Variants in HEG1 observed in about 807,000 individuals in gnomAD.
HEG1 encodes protein HEG homolog 1.
HEG1 carries 56 observed loss-of-function variants against 125.6 expected under a neutral mutation model. That is an observed-to-expected ratio of 0.45 (90% CI 0.36 to 0.56). The LOEUF is 0.56. HEG1 is among the 20% of genes least tolerant of loss of function. The probability of loss-of-function intolerance (pLI) is 0.00; values close to 1 mark genes in which losing one functional copy is unlikely to be tolerated. For missense variants in HEG1, 1,523 were observed against 1,670.0 expected, an observed-to-expected ratio of 0.91 and a Z score of 1.53; for synonymous variants, 644 against 668.5, an observed-to-expected ratio of 0.96 and a Z score of 0.57.
At position 125,012,897 on chromosome 3, in the gene HEG1, T is replaced by C. The variant is rs375132767; in HGVS notation, c.2682A>G (p.Ser894=). ...TTTCTGTGCTGATGCCACCTTCTGT[T>C]GAGATTTGAGGAACTAGTATTTCAG... ...THPEILVPQI[S]TEGGISTERN... The change falls in exon 6 of 17, where the codon TCA becomes TCG. Residue 894 remains serine, a synonymous_variant. Coordinates refer to ENST00000311127, the MANE Select transcript of HEG1 (RefSeq NM_020733.2). 8.7e-6 allele frequency: 14 copies of C among 1,613,896 alleles called. No individual in the cohort carries two copies. The African/African-American group carries it at 1.2e-4, about 14-fold the overall frequency.
chr3:125,016,545 G>T (rs1466246986), intron 5 of HEG1, among the ~76,000 whole-genome samples: 1 of 152,170 alleles, frequency 6.6e-6, no homozygotes, highest in African/African-American at 2.4e-5. Flanking sequence ...AGTAGTGAGG[G>T]TGAAAAATGA....
Position 124,973,916 on chromosome 3 carries a change from C to A in HEG1, c.3822-11G>T. ...TCATTTTTATTCTTTCTGTGGGATA[C>A]AAAAATATTTGTAAAGCTCAATTCC... On this transcript the variant is annotated splice_polypyrimidine_tract_variant and intron_variant, in intron 15 of 16. Coordinates refer to ENST00000311127, the MANE Select transcript of HEG1 (RefSeq NM_020733.2). 1 of 1,591,516 alleles carries A rather than the reference C, an allele frequency of 6.3e-7. No homozygotes were observed. The highest frequency in any genetic ancestry group is 8.6e-7 in the Non-Finnish European group (1 of 1,163,016).
intron 1 of HEG1, among the ~76,000 whole-genome samples, chr3:125,045,119 T>C (rs373901738): frequency 2.0e-5 from 3 of 152,340 alleles, no homozygotes; most frequent in East Asian, 3.9e-4. Context: ...GAGGAAGAGA[T>C]GATGTGTTTG....
In HEG1 at chr3:125,001,999, C is replaced by T. The variant is rs754502701; in HGVS notation, c.3370G>A (p.Val1124Met). The change falls in exon 11 of 17, where the codon GTG (valine) becomes ATG (methionine). Residue 1124 changes from valine to methionine, a missense_variant. Coordinates refer to ENST00000311127, the MANE Select transcript of HEG1 (RefSeq NM_020733.2). The stretch of plus-strand genomic sequence containing the variant: ...AAGGTTGTTTGCAGTGAGATCACCA[C>T]CGCGTTGGACTCCCTATAGGCAAAG... ...TVHASRESNA[V>M]VISLQTTFSL... The T allele has an allele frequency of 1.4e-5, 22 of 1,613,854 alleles. No individual in the cohort carries two copies. Among genetic ancestry groups the T allele is most frequent in the Middle Eastern group, 1.6e-4 (1 of 6,084 alleles).
chr3:124,994,038 G>A (rs1481941840), intron 12 of HEG1, among the ~76,000 whole-genome samples: 3 of 152,230 alleles, frequency 2.0e-5, no homozygotes, highest in South Asian at 2.1e-4. Flanking sequence ...CAGTCCCCAC[G>A]TTTTTGGCAC....
At chr3:125,044,564 T>A (rs952147448) in intron 1 of HEG1, among the ~76,000 whole-genome samples, 4 of 152,154 alleles carry the variant, frequency 2.6e-5, no homozygotes, top group African/African-American at 9.7e-5. Flanking sequence ...CCCGTTATTA[T>A]CCCTACTTTT....
At chr3:125,006,001 C>T (rs1272663537) in intron 8 of HEG1, among the ~76,000 whole-genome samples, 1 of 152,182 alleles carries the variant, frequency 6.6e-6, no homozygotes, top group Non-Finnish European at 1.5e-5. Context: ...AGAAAGCTCA[C>T]CCAGGCTCCC....
At chr3:124,983,945 G>A (rs1222170533) in intron 14 of HEG1, among the ~76,000 whole-genome samples, 1 of 152,286 alleles carries the variant, frequency 6.6e-6, no homozygotes, top group South Asian at 2.1e-4. Context: ...AGTCAAGACC[G>A]AGTAAAATGA....
intron 14 of HEG1, among the ~76,000 whole-genome samples, chr3:124,987,952 C>CATATATATATATAT (rs1553776022): frequency 1.8e-5 from 1 of 54,666 alleles, no homozygotes; most frequent in Non-Finnish European, 4.6e-5. Flanking sequence ...CACACACACA[C>CATATATATATATAT]ATATATATAT....
At chr3:125,039,829 C>G (rs1359944039) in intron 1 of HEG1, among the ~76,000 whole-genome samples, 1 of 88,454 alleles carries the variant, frequency 1.1e-5, no homozygotes, top group East Asian at 3.0e-4. Context: ...GCCAAAAGAA[C>G]AGAGCCAAAA....
intron 12 of HEG1, among the ~76,000 whole-genome samples, chr3:124,993,050 T>C (rs1188492203): frequency 1.3e-5 from 2 of 152,190 alleles, no homozygotes; most frequent in African/African-American, 2.4e-5. Flanking sequence ...CTTGGCCCCA[T>C]TGTTTTAAAA....
At chr3:124,991,125 C>T (rs922798889) in intron 12 of HEG1, 139 bp from the exon 13 acceptor site, 1 of 646,612 alleles carries the variant, frequency 1.5e-6, no homozygotes, top group African/African-American at 1.9e-5. Context: ...ATGATCCTCA[C>T]TTAAATACTG....
intron 5 of HEG1, chr3:125,014,766 G>C: frequency 7.8e-7 from 1 of 1,289,148 alleles, no homozygotes; most frequent in Non-Finnish European, 1.0e-6. Context: ...CATGTCGTCC[G>C]TCACGTTTAC....
intron 14 of HEG1, among the ~76,000 whole-genome samples, chr3:124,982,802 A>AC (rs902203858): frequency 4.5e-4 from 69 of 152,294 alleles, no homozygotes; most frequent in African/African-American, 1.7e-3. Flanking sequence ...CATCCCCTGG[A>AC]CACAGCTGGC....
intron 6 of HEG1, among the ~76,000 whole-genome samples, chr3:125,011,369 A>G (rs1050167056): frequency 6.6e-6 from 1 of 152,222 alleles, no homozygotes; most frequent in Non-Finnish European, 1.5e-5. Context: ...TATATAGCCA[A>G]ACACTAACCC....
chr3:125,029,892 T>TA, intron 1 of HEG1, among the ~76,000 whole-genome samples: 1 of 152,284 alleles, frequency 6.6e-6, no homozygotes, highest in East Asian at 1.9e-4. Flanking sequence ...AACTCCATCT[T>TA]AAAAAATAAT....
At chr3:125,002,574 T>A (rs1937016582) in intron 9 of HEG1, among the ~76,000 whole-genome samples, 1 of 152,342 alleles carries the variant, frequency 6.6e-6, no homozygotes, top group East Asian at 1.9e-4. Context: ...AATAGCACCC[T>A]TGGATGCAAA....
chr3:125,007,178 G>A (rs1270656036), intron 8 of HEG1, among the ~76,000 whole-genome samples: 2 of 125,756 alleles, frequency 1.6e-5, no homozygotes, highest in East Asian at 2.3e-4. Context: ...CAGCCTGGGC[G>A]ACAGAGCGAG....
intron 1 of HEG1, among the ~76,000 whole-genome samples, chr3:125,038,741 C>T (rs1030573492): frequency 6.6e-6 from 1 of 152,140 alleles, no homozygotes; most frequent in Non-Finnish European, 1.5e-5. Flanking sequence ...TGGAATAAAC[C>T]TGCCACATGG....
Sources: allele counts gnomAD v4.1 joint callset (sites outside exome capture counted in the v4.1 genomes callset), GRCh38; gene constraint gnomAD v4.1.1; transcripts MANE v1.5; gene names NCBI Gene and HGNC (gene_info 2026-07-23, HGNC 2026-07-21).